The following NOTCH1 variants were observed in gnomAD, a reference collection of about 807,000 sequenced individuals.
The protein encoded by NOTCH1 is neurogenic locus notch homolog protein 1.
A neutral mutation model predicts 254.8 loss-of-function variants in NOTCH1; 37 were observed. The observed-to-expected ratio is 0.15, with a 90% CI of 0.11 to 0.19. The LOEUF is 0.19. Among genes scored for constraint, NOTCH1 ranks in the 10% least tolerant of loss-of-function variants. The pLI is 1.00. For synonymous variants in NOTCH1, 1,731 were observed against 1,618.1 expected, an observed-to-expected ratio of 1.07 and a Z score of -1.68; for missense variants, 2,972 against 3,708.6, an observed-to-expected ratio of 0.80 and a Z score of 5.16.
rs536006859 is a variant in NOTCH1 at position 136,510,584 on chromosome 9, C to T, written c.2740+69G>A. ...GTGCTTATGGCCAGCACCATGCGCA[C>T]CAACCCTGCCCGGGGGAACTGAGGC... On this transcript the variant is annotated intron_variant, in intron 17 of 33. Coordinates refer to ENST00000651671, the MANE Select transcript of NOTCH1 (RefSeq NM_017617.5). 2.8e-4 allele frequency: 434 copies of T among 1,549,620 alleles called. 10 individuals are homozygous for T. The South Asian group carries it at 3.8e-3, about 14-fold the overall frequency.
chr9:136,515,487 G>C lies in NOTCH1; in HGVS notation c.1899C>G (p.Thr633=), dbSNP rs754684715. ...NAYLCFCLKG[T]TGPNCEINLD... ...GCCACCCGCCTGGCCGGCCACCTGT[G>C]GTCCCCTTCAGGCAGAAGCAGAGGT... The change falls in exon 11 of 34, where the codon ACC becomes ACG. Residue 633 remains threonine, a synonymous_variant. Coordinates refer to ENST00000651671, the MANE Select transcript of NOTCH1 (RefSeq NM_017617.5). 6.2e-7 allele frequency: 1 copy of C among 1,611,898 alleles called. No individual in the cohort carries two copies. The highest frequency in any genetic ancestry group is 8.5e-7 in the Non-Finnish European group (1 of 1,179,708).
rs1589064348 is a variant in NOTCH1 at position 136,513,094 on chromosome 9, G to A, written c.2394C>T (p.Asn798=). 3.7e-6 allele frequency: 6 copies of A among 1,613,000 alleles called. No individual in the cohort carries two copies. The highest frequency in any genetic ancestry group is 2.2e-5 in the East Asian group (1 of 44,864). Residue 798 remains asparagine (N), a synonymous_variant, in exon 15 of 34, where the codon AAC becomes AAT. Coordinates refer to ENST00000651671, the MANE Select transcript of NOTCH1 (RefSeq NM_017617.5). The surrounding 1 kb of genome is among the most constrained non-coding windows in gnomAD (Gnocchi z 4.7). ...TACACGTGCCCTGGTTCAGACATGGGTTGGACGCACACTCGTTGATGTTGG... is the reference window on the plus strand; with the variant it reads ...TACACGTGCCCTGGTTCAGACATGGATTGGACGCACACTCGTTGATGTTGG... ...CQTNINECAS[N]PCLNQGTCID... is the part of the protein sequence containing the mutation.
Position 136,499,259 on chromosome 9 carries a change from T to C in NOTCH1, c.5935A>G (p.Ile1979Val), listed in dbSNP as rs2133323274. 6.2e-7 allele frequency: 1 copy of C among 1,612,504 alleles called. No individual in the cohort carries two copies. The highest frequency in any genetic ancestry group is 8.5e-7 in the Non-Finnish European group (1 of 1,179,980). The change falls in exon 32 of 34, where the codon ATC becomes GTC. Residue 1979 changes from isoleucine to valine, a missense_variant and splice_region_variant. Transcript: ENST00000651671. ...VSADAQGVFQ[I>V]LIRNRATDLD... ...TCTGTGGCTCGGTTCCGGATCAGGATCTGGGCAACAGGGAGAGGCTCAGGC... is the reference window on the plus strand; with the variant it reads ...TCTGTGGCTCGGTTCCGGATCAGGACCTGGGCAACAGGGAGAGGCTCAGGC...
intron 2 of NOTCH1, among the ~76,000 whole-genome samples, chr9:136,524,515 G>A (rs574648672): frequency 4.6e-5 from 7 of 152,130 alleles, no homozygotes; most frequent in Non-Finnish European, 1.0e-4. Context: ...TTGCTAAAGC[G>A]AACAGGCATT....
chr9:136,533,950 G>A (rs1029248087), intron 2 of NOTCH1, among the ~76,000 whole-genome samples: 5 of 152,304 alleles, frequency 3.3e-5, no homozygotes, highest in African/African-American at 2.4e-5. Context: ...CTCCCTGGGC[G>A]GGTGCCTGTG....
At chr9:136,499,306 C>T (rs371180399) in intron 31 of NOTCH1, 47 bp from the exon 32 acceptor site, 17 of 1,605,176 alleles carry the variant, frequency 1.1e-5, no homozygotes, top group East Asian at 2.2e-5. Flanking sequence ...AGACGTACAC[C>T]GATGCCTCCT....
At position 136,513,073 on chromosome 9, in the gene NOTCH1, C is replaced by A; in HGVS notation, c.2415G>T (p.Thr805=). 1 of 1,592,358 alleles carries A rather than the reference C, an allele frequency of 6.3e-7. No homozygotes were observed. Among genetic ancestry groups the A allele is most frequent in the Non-Finnish European group, 8.6e-7 (1 of 1,167,424 alleles). The part of the protein sequence containing the change: ...CASNPCLNQG[T]CIDDVAGYKC... ...TGTACCCGGCAACGTCGTCAATACA[C>A]GTGCCCTGGTTCAGACATGGGTTGG... The change falls in exon 15 of 34, where the codon ACG becomes ACT. Residue 805 remains threonine (T), a synonymous_variant. Coordinates refer to ENST00000651671, the MANE Select transcript of NOTCH1 (RefSeq NM_017617.5). The surrounding 1 kb of genome is among the most constrained non-coding windows in gnomAD (Gnocchi z 4.7).
chr9:136,532,916 C>T (rs865929308), intron 2 of NOTCH1, among the ~76,000 whole-genome samples: 2 of 152,332 alleles, frequency 1.3e-5, no homozygotes. Flanking sequence ...CTTCCAGTCA[C>T]CTGCAGCCAC....
At position 136,503,162 on chromosome 9, in the gene NOTCH1, C is replaced by T. The variant is rs895590492; in HGVS notation, c.5167+20G>A. 9.9e-6 allele frequency: 16 copies of T among 1,612,384 alleles called. No individual in the cohort carries two copies. The highest frequency in any genetic ancestry group is 1.6e-4 in the Middle Eastern group (1 of 6,084). On this transcript the variant is annotated intron_variant, in intron 27 of 33. Coordinates refer to ENST00000651671, the MANE Select transcript of NOTCH1 (RefSeq NM_017617.5). ...ACCCCCTGCAGGCAGAGCCTGTTCC[C>T]GGGATGGGGCCACACTTACTCTGCA... is the stretch of plus-strand genomic sequence containing the variant.
rs2133379401 is a variant in NOTCH1 at position 136,523,852 on chromosome 9, C to T, written c.268G>A (p.Ala90Thr). 3 of 1,611,838 alleles carry T rather than the reference C, an allele frequency of 1.9e-6. No homozygotes were observed. The highest frequency in any genetic ancestry group is 2.5e-6 in the Non-Finnish European group (3 of 1,179,640). Residue 90 changes from alanine (A) to threonine (T), a missense_variant, in exon 3 of 34, where the codon GCC (alanine) becomes ACC (threonine). By Grantham distance (58) the Ala-to-Thr change is moderately conservative (BLOSUM62 0). This residue lies in a region of NOTCH1 where 374 missense variants were observed against 496.3 expected (regional missense o/e 0.75). Transcript: ENST00000651671. ...RGVADYACSC[A>T]LGFSGPLCLT... ...CAGAGGGGCCCAGAGAAGCCCAGGGCACAGCTGCAGGCATAGTCTGCCACG... is the reference window on the plus strand; with the variant it reads ...CAGAGGGGCCCAGAGAAGCCCAGGGTACAGCTGCAGGCATAGTCTGCCACG...
intron 18 of NOTCH1, 148 bp from the exon 19 acceptor site, chr9:136,509,219 G>A (rs1243587976): frequency 8.2e-6 from 6 of 730,694 alleles, no homozygotes; most frequent in Middle Eastern, 3.9e-4. Context: ...GCTGACCCAG[G>A]GAGGCCAGTG....
intron 2 of NOTCH1, among the ~76,000 whole-genome samples, chr9:136,541,119 C>T (rs1236119852): frequency 6.6e-6 from 1 of 152,178 alleles, no homozygotes; most frequent in Non-Finnish European, 1.5e-5. Context: ...ACAGCCACCA[C>T]GGCCACACCT....
At position 136,517,300 on chromosome 9, in the gene NOTCH1, G is replaced by C; in HGVS notation, c.1527C>G (p.Ile509Met). ...CLHNGRCLDKINEFQCECPTG... is the reference protein window; with the variant it reads ...CLHNGRCLDKMNEFQCECPTG... The stretch of plus-strand genomic sequence containing the variant: ...TGGGGCACTCGCACTGGAACTCATT[G>C]ATCTTGTCCAGGCAGCGGCCATTGT... Residue 509 changes from isoleucine to methionine, a missense_variant, in exon 9 of 34, where the codon ATC becomes ATG. Ile to Met is a conservative substitution (Grantham distance 10). Coordinates refer to ENST00000651671, the MANE Select transcript of NOTCH1 (RefSeq NM_017617.5). The C allele has an allele frequency of 6.2e-7, 1 of 1,608,612 alleles. No homozygotes were observed. Among genetic ancestry groups the C allele is most frequent in the Non-Finnish European group, 8.5e-7 (1 of 1,178,000 alleles).
At position 136,502,098 on chromosome 9, in the gene NOTCH1, G is replaced by T; in HGVS notation, c.5385-10C>A. 6.2e-7 allele frequency: 1 copy of T among 1,612,818 alleles called. No homozygotes were observed. The highest frequency in any genetic ancestry group is 8.5e-7 in the Non-Finnish European group (1 of 1,179,928). On this transcript the variant is annotated splice_polypyrimidine_tract_variant and intron_variant, in intron 28 of 33. Coordinates refer to ENST00000651671, the MANE Select transcript of NOTCH1 (RefSeq NM_017617.5). ...AGCGTTCTTCAGGGGCCTGGGGGGT[G>T]AGGGGTCGAGAAGTGAGGCTGAGCG... is the stretch of plus-strand genomic sequence containing the variant.
chr9:136,511,348 T>C (rs2133355315), intron 15 of NOTCH1, 77 bp from the exon 16 acceptor site: 1 of 1,519,068 alleles, frequency 6.6e-7, no homozygotes, highest in Admixed American at 2.0e-5. Context: ...CCTGCTGGTC[T>C]TTCCGCCATC....
intron 4 of NOTCH1, among the ~76,000 whole-genome samples, chr9:136,519,851 T>C (rs1273774939): frequency 6.6e-6 from 1 of 152,216 alleles, no homozygotes; most frequent in Admixed American, 6.5e-5. Context: ...TTCCGGCAGC[T>C]CCTGCACCTG....
In NOTCH1 at chr9:136,514,701, C is replaced by A. The variant is rs1194071285; in HGVS notation, c.2016G>T (p.Gly672=). 1 of 1,612,084 alleles carries A rather than the reference C, an allele frequency of 6.2e-7. No homozygotes were observed. Among genetic ancestry groups the A allele is most frequent in the East Asian group, 2.2e-5 (1 of 44,870 alleles). The change falls in exon 13 of 34, where the codon GGG becomes GGT. Residue 672 remains glycine (G), a splice_region_variant and synonymous_variant. Transcript: ENST00000651671. ...CATCGATGTTGATGTTACACATGCT[C>A]CCTAAGGGCAGGGCGGGTCAGACTC... ...YECACEPGYT[G]SMCNINIDEC... is the part of the protein sequence containing the mutation.
At chr9:136,529,564 C>T (rs1251951666) in intron 2 of NOTCH1, among the ~76,000 whole-genome samples, 4 of 152,216 alleles carry the variant, frequency 2.6e-5, no homozygotes, top group South Asian at 4.1e-4. Flanking sequence ...GCTGGAACCT[C>T]GTTGCTCACA....
intron 2 of NOTCH1, among the ~76,000 whole-genome samples, chr9:136,524,993 C>T (rs535629392): frequency 6.6e-6 from 1 of 152,326 alleles, no homozygotes; most frequent in African/African-American, 2.4e-5. Flanking sequence ...TGGGACATCT[C>T]ATGTCAAGAT....
Sources: gnomAD v4.1 joint callset for allele counts (sites outside exome capture counted in the v4.1 genomes callset) on GRCh38, gnomAD v4.1.1 for gene constraint, gnomAD v4.1.1 regional missense constraint, Gnocchi (gnomAD v3.1) non-coding constraint, MANE v1.5 for transcripts, NCBI Gene and HGNC (gene_info 2026-07-23, HGNC 2026-07-21) for gene names.